Variants in FBRSL1 observed in about 807,000 individuals in gnomAD.
The protein encoded by FBRSL1 is fibrosin-1-like protein.
In FBRSL1, 51 loss-of-function variants were observed where a neutral mutation model predicts 89.6. The ratio of observed to expected loss-of-function variants is 0.57; its 90% CI spans 0.45 to 0.72. The LOEUF is 0.72. Among genes scored for constraint, FBRSL1 ranks in the 30% least tolerant of loss-of-function variants. The pLI is 0.00. For synonymous variants in FBRSL1, 779 were observed against 681.1 expected (o/e 1.14, Z -2.24); for missense variants, 1,618 against 1,451.8 (o/e 1.11, Z -1.86).
chr12:132,511,123 C>T (rs2034290592), intron 2 of FBRSL1: 1 of 985,536 alleles, frequency 1.0e-6, no homozygotes, highest in Non-Finnish European at 1.2e-6. Flanking sequence ...CCAGGGCCCC[C>T]AAGCTACAGG....
intron 5 of FBRSL1, among the ~76,000 whole-genome samples, chr12:132,556,416 C>G (rs1011516239): frequency 6.6e-5 from 10 of 152,144 alleles, no homozygotes; most frequent in Admixed American, 4.6e-4. Context: ...ACCCCCCACG[C>G]CACGACTCAA....
intron 3 of FBRSL1, 70 bp downstream of exon 3, chr12:132,525,893 G>A: frequency 1.5e-6 from 2 of 1,330,268 alleles, no homozygotes; most frequent in Middle Eastern, 2.5e-4. Flanking sequence ...CCCGCACAAG[G>A]GCGTCCAGTC....
At chr12:132,551,729 C>A in intron 5 of FBRSL1, 7 of 378,656 alleles carry the variant, frequency 1.8e-5, no homozygotes, top group South Asian at 1.1e-4. Flanking sequence ...GCCGCCCCCT[C>A]CCCTGGCCCT....
intron 1 of FBRSL1, among the ~76,000 whole-genome samples, chr12:132,504,489 T>C (rs913156534): frequency 6.6e-6 from 1 of 152,070 alleles, no homozygotes. Flanking sequence ...CTGGGGGTGC[T>C]GGCGCCACTG....
chr12:132,575,290 C>T (rs539185660), intron 14 of FBRSL1, among the ~76,000 whole-genome samples: 5 of 152,262 alleles, frequency 3.3e-5, no homozygotes, highest in East Asian at 3.9e-4. Context: ...TGCAGTGGCG[C>T]GATCTCGGCT....
chr12:132,570,850 G>C (rs962493200), intron 8 of FBRSL1, among the ~76,000 whole-genome samples: 30 of 152,226 alleles, frequency 2.0e-4, no homozygotes, highest in African/African-American at 7.0e-4. Flanking sequence ...CCTGAGCCCT[G>C]GGAGGAGGGG....
intron 2 of FBRSL1, chr12:132,509,711 C>A: frequency 8.1e-7 from 1 of 1,231,390 alleles, no homozygotes; most frequent in South Asian, 4.1e-5. Flanking sequence ...CCCTGTGGCA[C>A]CGCTGCCGAC....
At position 132,525,959 on chromosome 12, in the gene FBRSL1, G is replaced by C. The variant is rs570172778; in HGVS notation, c.579+136G>C. ...GCACAAGGGCGTCCAGTCCGAGTCT[G>C]GGCCCCCTGCCCGCTGCACCCTGCA... is the stretch of plus-strand genomic sequence containing the variant. On this transcript the variant is annotated intron_variant, in intron 3 of 18. Transcript: ENST00000680143. The C allele has an allele frequency of 2.2e-4, 154 of 701,254 alleles. No homozygotes were observed. The African/African-American group carries it at 2.4e-3, about 11-fold the overall frequency. 43.4% of individuals were successfully genotyped at this position (701,254 alleles called of 1,614,324 possible). A position where few individuals can be genotyped will look rare whatever the true frequency, so the allele number is the denominator to read the frequency against.
At chr12:132,516,872 G>T (rs1395687189) in intron 2 of FBRSL1, among the ~76,000 whole-genome samples, 1 of 152,196 alleles carries the variant, frequency 6.6e-6, no homozygotes, top group Non-Finnish European at 1.5e-5. Flanking sequence ...AAACGGGGAT[G>T]TTACTAAATA....
chr12:132,562,329 C>T (rs1433910067), intron 5 of FBRSL1, among the ~76,000 whole-genome samples: 4 of 151,792 alleles, frequency 2.6e-5, no homozygotes, highest in African/African-American at 9.7e-5. Flanking sequence ...GGGTGGTGGC[C>T]GCAAGGCTGG....
At chr12:132,576,954 TGGG>T (rs747682685) in intron 15 of FBRSL1, 23 bp downstream of exon 15, 30 of 1,540,728 alleles carry the variant, frequency 1.9e-5, no homozygotes, top group African/African-American at 8.2e-5. Context: ...TCGGGCCAGG[TGGG>T]GGGCACAGAA....
At chr12:132,573,866 C>G (rs781487686) in intron 11 of FBRSL1, among the ~76,000 whole-genome samples, 1 of 152,160 alleles carries the variant, frequency 6.6e-6, no homozygotes, top group Admixed American at 6.5e-5. Flanking sequence ...GGAGGGTCGC[C>G]CACCTTCCCT....
chr12:132,571,680 T>C (rs10781622), intron 9 of FBRSL1, among the ~76,000 whole-genome samples: 149,106 of 152,216 alleles, frequency 0.98, 73,029 homozygotes, highest in East Asian at 1. Flanking sequence ...CCAACGTGCC[T>C]TCTGGTGTCC....
chr12:132,511,527 G>T (rs1007894515), intron 2 of FBRSL1: 1 of 985,846 alleles, frequency 1.0e-6, no homozygotes, highest in Admixed American at 6.1e-5. Context: ...GTGTTTGGGG[G>T]GGCTTTGACT....
In FBRSL1 at chr12:132,567,943, T is replaced by C. The variant is rs1025242076; in HGVS notation, c.691+417T>C. Among the ~76,000 whole-genome samples, 11 of 152,138 alleles carry C rather than the reference T, an allele frequency of 7.2e-5. No homozygotes were observed. In the East Asian group the frequency reaches 1.9e-3, roughly 27 times the overall value. On this transcript the variant is annotated intron_variant, in intron 6 of 18. Transcript: ENST00000680143. ...CTGCCTGCGCGCCTCTGTGGTGCAG[T>C]GGAGGGGCCTGGATTGCTGTTCCAG...
chr12:132,494,210 G>T (rs1427729268), intron 1 of FBRSL1, among the ~76,000 whole-genome samples: 1 of 152,198 alleles, frequency 6.6e-6, no homozygotes, highest in Non-Finnish European at 1.5e-5. Flanking sequence ...TTTGTTTCCT[G>T]TGACAACTCT....
intron 9 of FBRSL1, chr12:132,571,797 C>T (rs1307473845): frequency 9.0e-6 from 3 of 331,602 alleles, no homozygotes; most frequent in Middle Eastern, 8.3e-4. Flanking sequence ...GCACTAGATC[C>T]CCAGTGCCAG....
At chr12:132,525,001 CG>C (rs1463263165) in intron 2 of FBRSL1, among the ~76,000 whole-genome samples, 3 of 149,234 alleles carry the variant, frequency 2.0e-5, no homozygotes, top group Admixed American at 2.0e-4. Context: ...GCAAAGCGCC[CG>C]GGCCAGGCCC....
At chr12:132,505,217 G>A (rs922201532) in intron 1 of FBRSL1, among the ~76,000 whole-genome samples, 4 of 152,216 alleles carry the variant, frequency 2.6e-5, no homozygotes, top group African/African-American at 4.8e-5. Context: ...GTGGGTGAGC[G>A]CGGCCGCTGC....
Sources: allele counts gnomAD v4.1 joint callset (sites outside exome capture counted in the v4.1 genomes callset), GRCh38; gene constraint gnomAD v4.1.1; transcripts MANE v1.5; gene names NCBI Gene and HGNC (gene_info 2026-07-23, HGNC 2026-07-21).